Variants in AQR observed in about 807,000 individuals in gnomAD.
AQR encodes the protein aquarius intron-binding spliceosomal factor.
Under a neutral mutation model 180.5 loss-of-function variants are expected in AQR, and 61 were observed. That is an observed-to-expected ratio of 0.34 (90% confidence interval 0.28 to 0.42). The LOEUF (loss-of-function observed/expected upper bound fraction) is 0.42. AQR is among the 10% of genes least tolerant of loss of function. AQR has a pLI of 1.00. For missense variants in AQR, 1,281 were observed against 1,798.3 expected (o/e 0.71, Z 5.20); for synonymous variants, 551 against 588.8 (o/e 0.94, Z 0.93).
rs201627642 is a variant in AQR, at chr15:34,948,339, T to C, written c.255A>G (p.Val85=). The stretch of plus-strand genomic sequence containing the variant: ...TTGACATTAAATAGGCCTTGCTAGA[T>C]ACCTCAGGAGAATAATTCATCCAGA... ...NYLWMNYSPE[V]SSKAYLMSIC... The change falls in exon 5 of 35, where the codon GTA becomes GTG. Residue 85 remains valine, a synonymous_variant. Coordinates refer to ENST00000156471, the MANE Select transcript of AQR (RefSeq NM_014691.3). 4.2e-5 allele frequency: 68 copies of C among 1,613,444 alleles called. No homozygotes were observed. In the African/African-American group the frequency reaches 4.3e-4, roughly 10 times the overall value.
rs578239398 is a variant in AQR at position 34,896,806 on chromosome 15, G to A, written c.2460+91C>T. The stretch of plus-strand genomic sequence containing the variant: ...AGAGGCTGCAGTGAGCTGAGATCGC[G>A]CCACTGCACTCCGGCATGGGCAACA... On this transcript the variant is annotated intron_variant, in intron 22 of 34. Coordinates refer to ENST00000156471, the MANE Select transcript of AQR (RefSeq NM_014691.3). The A allele has an allele frequency of 6.4e-6, 7 of 1,101,206 alleles. No homozygotes were observed. In the East Asian group the frequency reaches 7.5e-5, roughly 12 times the overall value. 68.2% of individuals were successfully genotyped at this position (1,101,206 alleles called of 1,614,324 possible).
rs969814605 is a variant in AQR at position 34,932,406 on chromosome 15, T to C, written c.812A>G (p.Asn271Ser). Residue 271 changes from asparagine to serine, a missense_variant, in exon 11 of 35, where the codon AAT becomes AGT. This residue lies in a region of AQR where 404 missense variants were observed against 490.9 expected (regional missense o/e 0.82). Coordinates refer to ENST00000156471, the MANE Select transcript of AQR (RefSeq NM_014691.3). ...EALLPTRRWF[N>S]TILDDSHLLV... The stretch of plus-strand genomic sequence containing the variant: ...AAGGTGGGAATCATCCAGGATGGTA[T>C]TAAACCAGCGCCTTGTGGGTAGCAG... The C allele has an allele frequency of 1.9e-6, 3 of 1,607,820 alleles. No individual in the cohort carries two copies. Among genetic ancestry groups the C allele is most frequent in the South Asian group, 2.2e-5 (2 of 89,674 alleles).
intron 5 of AQR, among the ~76,000 whole-genome samples, chr15:34,946,130 G>C (rs1894109137): frequency 6.6e-6 from 1 of 152,138 alleles, no homozygotes; most frequent in African/African-American, 2.4e-5. Flanking sequence ...AATTAGCTGG[G>C]CATGGTGGCG....
Position 34,886,642 on chromosome 15 carries a change from C to A in AQR, c.2701G>T (p.Val901Phe), listed in dbSNP as rs1401794957. The A allele has an allele frequency of 3.7e-6, 6 of 1,613,228 alleles. No homozygotes were observed. The highest frequency in any genetic ancestry group is 5.1e-6 in the Non-Finnish European group (6 of 1,179,770). The change falls in exon 25 of 35, where the codon GTT becomes TTT. Residue 901 changes from valine to phenylalanine, a missense_variant. By Grantham distance (50) the Val-to-Phe change is conservative (BLOSUM62 -1). Transcript: ENST00000156471. ...DFSRYGRVNY[V>F]LARRIELLEE... Reference sequence around the variant, plus strand: ...AAAAGTTCTATTCTTCGAGCCAGAACATAATTAACTCTTCCATACCTAGAC... The same window carrying A: ...AAAAGTTCTATTCTTCGAGCCAGAAAATAATTAACTCTTCCATACCTAGAC...
At chr15:34,912,900 A>G (rs1000903464) in intron 16 of AQR, among the ~76,000 whole-genome samples, 3 of 152,324 alleles carry the variant, frequency 2.0e-5, no homozygotes, top group Admixed American at 1.3e-4. Context: ...ATAACATTAA[A>G]AAGAGAAACT....
chr15:34,940,756 T>C, intron 8 of AQR, 143 bp downstream of exon 8: 1 of 678,274 alleles, frequency 1.5e-6, no homozygotes, highest in Non-Finnish European at 2.5e-6. Context: ...ATATTCTTAA[T>C]GACAGTCTAG....
At position 34,862,801 on chromosome 15, in the gene AQR, C is replaced by A. The variant is rs1892687932; in HGVS notation, c.4029+66G>T. 12 of 1,544,300 alleles carry A rather than the reference C, an allele frequency of 7.8e-6. No individual in the cohort carries two copies. In the South Asian group the frequency reaches 1.2e-4, roughly 15 times the overall value. On this transcript the variant is annotated intron_variant, in intron 33 of 34. Coordinates refer to ENST00000156471, the MANE Select transcript of AQR (RefSeq NM_014691.3). ...TAATGTTCCAAGCTAATGTGGTCAC[C>A]TATAAGAAAATCCCAATTTCCACTC...
intron 4 of AQR, among the ~76,000 whole-genome samples, chr15:34,950,085 T>G (rs1207037532): frequency 6.7e-5 from 1 of 14,854 alleles, no homozygotes; most frequent in African/African-American, 1.3e-4. Context: ...GCTATTTTCC[T>G]TTTTTTTTTT....
intron 4 of AQR, among the ~76,000 whole-genome samples, chr15:34,950,535 TATC>T (rs1220499161): frequency 6.6e-6 from 1 of 152,206 alleles, no homozygotes; most frequent in East Asian, 1.9e-4. Context: ...AGTGATTTTT[TATC>T]TCCATTTCCC....
At chr15:34,943,566 T>C (rs1376568535) in intron 6 of AQR, among the ~76,000 whole-genome samples, 3 of 152,182 alleles carry the variant, frequency 2.0e-5, no homozygotes, top group East Asian at 1.9e-4. Flanking sequence ...CCATGTGAGA[T>C]AGTACATGGA....
chr15:34,902,149 T>C (rs1893341733), intron 19 of AQR, among the ~76,000 whole-genome samples: 1 of 152,060 alleles, frequency 6.6e-6, no homozygotes, highest in Non-Finnish European at 1.5e-5. Context: ...TGAAGGAGCT[T>C]TGATTTATTT....
intron 14 of AQR, 44 bp from the exon 15 acceptor site, chr15:34,918,422 T>C (rs1194214128): frequency 1.9e-6 from 3 of 1,581,516 alleles, no homozygotes; most frequent in Non-Finnish European, 2.6e-6. Flanking sequence ...TAGAAGCATC[T>C]TTTTTCAATC....
At chr15:34,916,951 C>T (rs1595796424) in intron 15 of AQR, among the ~76,000 whole-genome samples, 5 of 150,396 alleles carry the variant, frequency 3.3e-5, no homozygotes, top group Admixed American at 3.3e-4. Flanking sequence ...AAGTAAAAGA[C>T]ATTTTTTTAA....
intron 33 of AQR, among the ~76,000 whole-genome samples, chr15:34,861,130 G>A (rs1159807000): frequency 2.0e-5 from 3 of 152,124 alleles, no homozygotes; most frequent in Admixed American, 1.3e-4. Context: ...CCCAAAAAAG[G>A]AGGATTCAAT....
At chr15:34,924,912 C>A (rs1447142968) in intron 13 of AQR, among the ~76,000 whole-genome samples, 8 of 98,204 alleles carry the variant, frequency 8.1e-5, no homozygotes, top group Admixed American at 1.1e-4. Flanking sequence ...TGCAGCTAAG[C>A]TAAATGTAAA....
At chr15:34,900,388 T>C (rs978489819) in intron 20 of AQR, among the ~76,000 whole-genome samples, 3 of 152,246 alleles carry the variant, frequency 2.0e-5, no homozygotes, top group African/African-American at 4.8e-5. Flanking sequence ...TAAGTATTTA[T>C]TGATCCCTTA....
intron 22 of AQR, among the ~76,000 whole-genome samples, chr15:34,894,506 T>G (rs1893200371): frequency 6.6e-6 from 1 of 152,116 alleles, no homozygotes; most frequent in Non-Finnish European, 1.5e-5. Context: ...TTTGTTTTTG[T>G]TTTTTTAAAA....
chr15:34,863,671 C>T (rs1163826374), intron 32 of AQR, among the ~76,000 whole-genome samples: 1 of 152,118 alleles, frequency 6.6e-6, no homozygotes, highest in East Asian at 1.9e-4. Context: ...TTCATATCAA[C>T]AGTGATAAAA....
chr15:34,857,196 A>T, intron 34 of AQR, 90 bp from the exon 35 acceptor site: 1 of 1,276,752 alleles, frequency 7.8e-7, no homozygotes, highest in Non-Finnish European at 1.1e-6. Flanking sequence ...GAGTTCTCCA[A>T]AACAGTGCTG....
Sources: gnomAD v4.1 joint callset for allele counts (sites outside exome capture counted in the v4.1 genomes callset) on GRCh38, gnomAD v4.1.1 for gene constraint, gnomAD v4.1.1 regional missense constraint, MANE v1.5 for transcripts, NCBI Gene and HGNC (gene_info 2026-07-23, HGNC 2026-07-21) for gene names.